PRR16: variants seen among roughly 807,000 people sequenced by gnomAD.
The protein encoded by PRR16 is protein Largen.
A neutral mutation model predicts 18.2 loss-of-function variants in PRR16; 6 were observed. The observed-to-expected ratio is 0.33, with a 90% CI of 0.18 to 0.65. The LOEUF (loss-of-function observed/expected upper bound fraction) is 0.65, where lower values mean the gene tolerates loss of function less well. PRR16 is among the 30% of genes least tolerant of loss of function. The pLI is 0.74. For missense variants in PRR16, 412 were observed against 376.6 expected (o/e 1.09, Z -0.78); for synonymous variants, 151 against 147.8 (o/e 1.02, Z -0.16).
At chr5:120,674,515 A>G (rs1455069500) in intron 1 of PRR16, among the ~76,000 whole-genome samples, 2 of 152,184 alleles carry the variant, frequency 1.3e-5, no homozygotes. Flanking sequence ...TACTAGCAAA[A>G]TGTCTTTCAC....
At chr5:120,736,239 A>G in the PRR16 span, among the ~76,000 whole-genome samples, 1 of 152,192 alleles carries the variant, frequency 6.6e-6, no homozygotes, top group Non-Finnish European at 1.5e-5. Context: ...GTGTTTAGAA[A>G]GAAGGAAGCG....
chr5:120,544,276 C>G (rs1752006187), intron 1 of PRR16, among the ~76,000 whole-genome samples: 1 of 152,132 alleles, frequency 6.6e-6, no homozygotes, highest in East Asian at 1.9e-4. Flanking sequence ...GGATGCTACA[C>G]AAAAGGCTAT....
At chr5:120,676,782 GGC>G (rs1476947820) in intron 1 of PRR16, among the ~76,000 whole-genome samples, 9 of 152,054 alleles carry the variant, frequency 5.9e-5, no homozygotes, top group Non-Finnish European at 1.0e-4. Context: ...TCCAAAGACA[GGC>G]CCAGGAACCC....
intron 1 of PRR16, among the ~76,000 whole-genome samples, chr5:120,513,845 G>A (rs1265516205): frequency 6.7e-6 from 1 of 150,092 alleles, no homozygotes; most frequent in Admixed American, 6.7e-5. Flanking sequence ...TGCAACCTCC[G>A]CCTCCTGGGT....
At chr5:120,672,754 G>T (rs768165171) in intron 1 of PRR16, among the ~76,000 whole-genome samples, 1 of 152,074 alleles carries the variant, frequency 6.6e-6, no homozygotes, top group African/African-American at 2.4e-5. Flanking sequence ...TTGAGGATTT[G>T]TTTAATTCAT....
chr5:120,481,621 A>G (rs1749620761), intron 1 of PRR16, among the ~76,000 whole-genome samples: 1 of 152,150 alleles, frequency 6.6e-6, no homozygotes, highest in South Asian at 2.1e-4. Flanking sequence ...TAATCAATAC[A>G]GTGGAATATG....
intron 1 of PRR16, among the ~76,000 whole-genome samples, chr5:120,539,391 T>G (rs1364915323): frequency 6.6e-6 from 1 of 151,778 alleles, no homozygotes; most frequent in African/African-American, 2.4e-5. Flanking sequence ...GTAATGCCCA[T>G]AGATATTCCA....
chr5:120,505,954 A>G (rs974006857), intron 1 of PRR16, among the ~76,000 whole-genome samples: 13 of 149,542 alleles, frequency 8.7e-5, no homozygotes, highest in African/African-American at 3.2e-4. Context: ...GTGTATATAT[A>G]TATATATATA....
At chr5:120,699,290 A>C in the PRR16 span, among the ~76,000 whole-genome samples, 1 of 152,180 alleles carries the variant, frequency 6.6e-6, no homozygotes, top group South Asian at 2.1e-4. Flanking sequence ...ACTATAGCAT[A>C]ACCTGTCTTT....
chr5:120,624,826 G>T (rs1301896148), intron 1 of PRR16, among the ~76,000 whole-genome samples: 1 of 152,060 alleles, frequency 6.6e-6, no homozygotes, highest in African/African-American at 2.4e-5. Flanking sequence ...GAGGGACCTG[G>T]TGGGAGATGA....
At chr5:120,730,008 T>C in the PRR16 span, among the ~76,000 whole-genome samples, 1 of 152,170 alleles carries the variant, frequency 6.6e-6, no homozygotes, top group Non-Finnish European at 1.5e-5. Flanking sequence ...GGCTTTATTC[T>C]ACAACTCCCA....
the PRR16 span, among the ~76,000 whole-genome samples, chr5:120,721,766 G>C: frequency 1.3e-5 from 2 of 152,032 alleles, no homozygotes; most frequent in Admixed American, 6.6e-5. Context: ...AAGAGGAAGA[G>C]TTCAAGATGG....
At chr5:120,676,520 A>ATG (rs200837100) in intron 1 of PRR16, among the ~76,000 whole-genome samples, 4,471 of 123,562 alleles carry the variant, frequency 0.036, 68 homozygotes, top group Non-Finnish European at 0.052. Flanking sequence ...ATATATATAT[A>ATG]TATGTGTGTG....
chr5:120,584,948 A>G (rs1355159987), intron 1 of PRR16, among the ~76,000 whole-genome samples: 2 of 152,140 alleles, frequency 1.3e-5, no homozygotes, highest in African/African-American at 4.8e-5. Flanking sequence ...AAGGGGGCTG[A>G]AACTCCTCTC....
intron 1 of PRR16, among the ~76,000 whole-genome samples, chr5:120,557,563 A>G (rs1010459725): frequency 6.6e-6 from 1 of 151,894 alleles, no homozygotes; most frequent in African/African-American, 2.4e-5. Context: ...CTGGGTTCAA[A>G]TAATTCACCC....
intron 1 of PRR16, among the ~76,000 whole-genome samples, chr5:120,645,353 G>A (rs967339882): frequency 6.6e-6 from 1 of 150,666 alleles, no homozygotes; most frequent in Non-Finnish European, 1.5e-5. Flanking sequence ...CACACACACA[G>A]ACATGCACAC....
intron 1 of PRR16, among the ~76,000 whole-genome samples, chr5:120,594,878 T>C (rs1323429823): frequency 6.6e-6 from 1 of 152,068 alleles, no homozygotes; most frequent in African/African-American, 2.4e-5. Context: ...ATTCAATAAA[T>C]GGTGTTGGGA....
chr5:120,745,584 C>G, the PRR16 span, among the ~76,000 whole-genome samples: 27 of 152,088 alleles, frequency 1.8e-4, no homozygotes, highest in Non-Finnish European at 3.1e-4. Flanking sequence ...CTGTCTTTCT[C>G]TGGGTATCAG....
At chr5:120,548,440 A>T (rs557587502) in intron 1 of PRR16, among the ~76,000 whole-genome samples, 3 of 152,146 alleles carry the variant, frequency 2.0e-5, no homozygotes, top group Admixed American at 6.6e-5. Flanking sequence ...AAAGAAAAAT[A>T]TTGAAAAATA....
Sources: gnomAD v4.1 joint callset for allele counts (sites outside exome capture counted in the v4.1 genomes callset) on GRCh38, gnomAD v4.1.1 for gene constraint, MANE v1.5 for transcripts, NCBI Gene and HGNC (gene_info 2026-07-23, HGNC 2026-07-21) for gene names.